Variants in ELOC observed in about 807,000 individuals in gnomAD.
ELOC encodes elongin C, also known as elongin-C.
For missense variants in ELOC, 38 were observed against 139.0 expected (o/e 0.27, Z 3.65); for synonymous variants, 40 against 51.3 (o/e 0.78, Z 0.94).
chr8:73,971,668 T>C (rs372135396), intron 1 of ELOC, among the ~76,000 whole-genome samples: 1 of 152,046 alleles, frequency 6.6e-6, no homozygotes, highest in East Asian at 1.9e-4. Flanking sequence ...TCTCGGGTAC[T>C]GCAGCTAGAA....
At chr8:73,950,835 C>G (rs932034857) in intron 3 of ELOC, among the ~76,000 whole-genome samples, 6 of 152,318 alleles carry the variant, frequency 3.9e-5, no homozygotes, top group Admixed American at 6.5e-5. Context: ...AATGACCTTG[C>G]TTCTCTGTAA....
At chr8:73,970,675 T>C (rs183551133) in intron 1 of ELOC, 1,985 of 152,214 alleles carry the variant, frequency 0.013, 31 homozygotes, top group Non-Finnish European at 0.019. Flanking sequence ...AGATCAGACA[T>C]ATGTCATTTT....
At chr8:73,971,745 A>G (rs1238544622) in intron 1 of ELOC, 2 of 152,120 alleles carry the variant, frequency 1.3e-5, no homozygotes, top group African/African-American at 4.8e-5. Context: ...AGCGGACACG[A>G]GGAACAAGCA....
intron 1 of ELOC, among the ~76,000 whole-genome samples, chr8:73,961,899 GTTTATTTATTT>G (rs1201670624): frequency 1.3e-4 from 19 of 151,756 alleles, no homozygotes; most frequent in African/African-American, 4.6e-4. Context: ...ACATTATCTT[GTTTATTTATTT>G]TTTGAGACAG....
chr8:73,963,609 T>C (rs769183681), intron 1 of ELOC, among the ~76,000 whole-genome samples: 11 of 152,382 alleles, frequency 7.2e-5, no homozygotes, highest in Admixed American at 1.3e-4. Flanking sequence ...CAGACACTGC[T>C]GCAAAATCTG....
At chr8:73,961,518 CTTTTTT>C (rs796160550) in intron 1 of ELOC, among the ~76,000 whole-genome samples, 2 of 145,664 alleles carry the variant, frequency 1.4e-5, no homozygotes, top group Non-Finnish European at 3.0e-5. Context: ...ATCACTCTCT[CTTTTTT>C]TTTTTTTGAG....
At chr8:73,959,523 G>A (rs923025239) in intron 2 of ELOC, among the ~76,000 whole-genome samples, 3 of 152,090 alleles carry the variant, frequency 2.0e-5, no homozygotes, top group African/African-American at 4.8e-5. Context: ...AGATGTCACC[G>A]TAGGCCACAG....
intron 3 of ELOC, among the ~76,000 whole-genome samples, chr8:73,950,278 A>C (rs746439729): frequency 7.9e-5 from 12 of 152,356 alleles, no homozygotes; most frequent in Non-Finnish European, 1.8e-4. Context: ...TCTGAGCACC[A>C]GTAAGAATGA....
At chr8:73,963,630 CTT>C (rs1814757136) in intron 1 of ELOC, among the ~76,000 whole-genome samples, 3 of 152,270 alleles carry the variant, frequency 2.0e-5, no homozygotes, top group African/African-American at 7.2e-5. Flanking sequence ...TTCTTCATAT[CTT>C]TTTGTCTTTT....
rs1813766225 is a variant in ELOC, at chr8:73,951,647, C to CA, written c.148+4263dup. ...TCAAAAACAAACAAACAAAAAACCC[C>CA]ACAACAACAACAACAACAACAACAA... On this transcript the variant is annotated intron_variant, in intron 3 of 3. Transcript: ENST00000520242. Among the ~76,000 whole-genome samples the CA allele has an allele frequency of 1.1e-4, 17 of 149,918 alleles. No individual in the cohort carries two copies. The South Asian group carries it at 1.3e-3, about 11-fold the overall frequency.
chr8:73,949,767 A>C (rs1813624980), intron 3 of ELOC, among the ~76,000 whole-genome samples: 1 of 152,208 alleles, frequency 6.6e-6, no homozygotes, highest in African/African-American at 2.4e-5. Flanking sequence ...TTTGAGGCTG[A>C]ATGTTTTCTG....
chr8:73,952,979 A>G (rs1324914364), intron 3 of ELOC, among the ~76,000 whole-genome samples: 1 of 152,114 alleles, frequency 6.6e-6, no homozygotes, highest in Non-Finnish European at 1.5e-5. Flanking sequence ...ATAATGTTCA[A>G]CATCATTAGT....
At chr8:73,970,776 T>A (rs1056975964) in intron 1 of ELOC, 1 of 151,390 alleles carries the variant, frequency 6.6e-6, no homozygotes, top group African/African-American at 2.4e-5. Context: ...ATCGTAGCTC[T>A]TTGGGAGGTG....
chr8:73,951,542 G>A (rs1031541782), intron 3 of ELOC, among the ~76,000 whole-genome samples: 1 of 151,790 alleles, frequency 6.6e-6, no homozygotes. Context: ...CTACTCAGGA[G>A]GTTGAGGTGG....
chr8:73,946,931 T>C, intron 3 of ELOC, 111 bp from the exon 4 acceptor site: 1 of 844,900 alleles, frequency 1.2e-6, no homozygotes, highest in Non-Finnish European at 1.8e-6. Flanking sequence ...TAGAGATAAG[T>C]TCTTTAAAGA....
rs78090395 is a variant in ELOC, at chr8:73,949,489, A to G, written c.149-2669T>C. 3.2e-3 allele frequency among the ~76,000 whole-genome samples: 483 copies of G among 152,326 alleles called. 4 individuals are homozygous for G. Among genetic ancestry groups the G allele is most frequent in the Non-Finnish European group, 4.3e-3 (290 of 68,020 alleles). On this transcript the variant is annotated intron_variant, in intron 3 of 3. Transcript: ENST00000520242. ...ACAATGTTGTGCAACTATCCCTTCT[A>G]TTTAGTTCCAAAACATTTTCATCAT...
At chr8:73,958,008 T>C (rs1276820617) in intron 2 of ELOC, among the ~76,000 whole-genome samples, 1 of 152,008 alleles carries the variant, frequency 6.6e-6, no homozygotes. Flanking sequence ...ACTCCTGACC[T>C]CAAGTGATCC....
chr8:73,971,141 C>T (rs1461505374), intron 1 of ELOC, among the ~76,000 whole-genome samples: 5 of 151,932 alleles, frequency 3.3e-5, no homozygotes, highest in Admixed American at 2.0e-4. Context: ...CGCGGTGGCT[C>T]ACGCCTGTAA....
intron 2 of ELOC, among the ~76,000 whole-genome samples, chr8:73,956,293 G>C (rs929766769): frequency 6.6e-6 from 1 of 152,120 alleles, no homozygotes; most frequent in African/African-American, 2.4e-5. Flanking sequence ...GCTGAGGCAG[G>C]AGAATCACTT....
Sources: allele counts gnomAD v4.1 joint callset (sites outside exome capture counted in the v4.1 genomes callset), GRCh38; gene constraint gnomAD v4.1.1; transcripts MANE v1.5; gene names NCBI Gene and HGNC (gene_info 2026-07-23, HGNC 2026-07-21).